Variants in SCNN1B observed in about 807,000 individuals in gnomAD.
The protein encoded by SCNN1B is sodium channel epithelial 1 subunit beta, also known as epithelial sodium channel subunit beta.
A neutral mutation model predicts 65.3 loss-of-function variants in SCNN1B; 46 were observed. The observed-to-expected ratio is 0.70, with a 90% CI of 0.56 to 0.90. The LOEUF (loss-of-function observed/expected upper bound fraction) is 0.90. Ranked by LOEUF, SCNN1B falls within the 40% of genes least tolerant of loss-of-function variation. The probability of loss-of-function intolerance (pLI) is 0.00; values close to 1 mark genes in which losing one functional copy is unlikely to be tolerated. For missense variants in SCNN1B, 751 were observed against 830.5 expected (o/e 0.90, Z 1.18); for synonymous variants, 349 against 330.6 (o/e 1.06, Z -0.60).
At chr16:23,291,734 C>A (rs567967249) in intron 2 of SCNN1B, among the ~76,000 whole-genome samples, 2 of 142,660 alleles carry the variant, frequency 1.4e-5, no homozygotes, top group Non-Finnish European at 3.0e-5. Flanking sequence ...ACCACCACCA[C>A]GCAGCTAATT....
rs776613953 is a variant in SCNN1B, at chr16:23,380,778, G to C, written c.1900G>C (p.Asp634His). 3.0e-5 allele frequency: 48 copies of C among 1,612,372 alleles called. 1 individual carries two copies. Among genetic ancestry groups the C allele is most frequent in the East Asian group, 2.2e-4 (10 of 44,864 alleles). ...GCAGCCGCTGGACGTCATCGAGTCT[G>C]ACAGTGAGGGTGATGCCATCTAACC... The part of the protein sequence containing the change: ...RLQPLDVIES[D>H]SEGDAI Residue 634 changes from aspartate (D) to histidine (H), a missense_variant, in exon 13 of 13, where the codon GAC (aspartate) becomes CAC (histidine). Asp to His is a moderately conservative substitution (Grantham distance 81). Coordinates refer to ENST00000343070, the MANE Select transcript of SCNN1B (RefSeq NM_000336.3). This position sits in a 1 kb window ranked among gnomAD's most constrained non-coding sequence, Gnocchi z 5.4.
intron 1 of SCNN1B, among the ~76,000 whole-genome samples, chr16:23,335,285 G>T (rs1429780065): frequency 6.6e-6 from 1 of 152,060 alleles, no homozygotes; most frequent in Non-Finnish European, 1.5e-5. Flanking sequence ...TTTCTTGAGG[G>T]CAACTCATAT....
At chr16:23,333,322 A>T (rs527435660) in intron 1 of SCNN1B, among the ~76,000 whole-genome samples, 5 of 152,346 alleles carry the variant, frequency 3.3e-5, no homozygotes, top group African/African-American at 1.2e-4. Flanking sequence ...GCTGCCAGCC[A>T]TTGAGGAATT....
chr16:23,361,539 A>ATT (rs1466558952), intron 4 of SCNN1B, among the ~76,000 whole-genome samples: 1 of 152,194 alleles, frequency 6.6e-6, no homozygotes, highest in Non-Finnish European at 1.5e-5. Flanking sequence ...TTATTTATTT[A>ATT]TTCCATCATT....
At chr16:23,375,642 C>T in intron 7 of SCNN1B, 96 bp from the exon 8 acceptor site, 3 of 890,016 alleles carry the variant, frequency 3.4e-6, no homozygotes, top group Non-Finnish European at 5.8e-6. Context: ...CCTCCCTTAA[C>T]TTGGGCATCA....
chr16:23,310,077 C>T (rs1182051793), intron 1 of SCNN1B, among the ~76,000 whole-genome samples: 13 of 152,064 alleles, frequency 8.5e-5, no homozygotes, highest in Admixed American at 8.5e-4. Flanking sequence ...CTTTGAAGCA[C>T]TGATTAAGAG....
intron 1 of SCNN1B, among the ~76,000 whole-genome samples, chr16:23,326,677 AG>A (rs1961703969): frequency 6.6e-6 from 1 of 152,140 alleles, no homozygotes; most frequent in African/African-American, 2.4e-5. Context: ...CATGTTGGCC[AG>A]CCTGGTTTCA....
At position 23,309,441 on chromosome 16, in the gene SCNN1B, C is replaced by T. The variant is rs376483872; in HGVS notation, c.-9+7004C>T. Among the ~76,000 whole-genome samples, 24 of 134,306 alleles carry T rather than the reference C, an allele frequency of 1.8e-4. No individual in the cohort carries two copies. In the East Asian group the frequency reaches 2.5e-3, roughly 14 times the overall value. The allele number at this position is 134,306 out of a possible 152,430, so 88.1% of individuals were successfully genotyped here. A position where few individuals can be genotyped will look rare whatever the true frequency, so the allele number is the denominator to read the frequency against. On this transcript the variant is annotated intron_variant, in intron 1 of 12. Transcript: ENST00000343070. ...ATAGATAGATAGATAGATAGATAGA[C>T]AGATAGATAGCTAAAGAGGAGTTTA...
At chr16:23,289,744 C>T (rs554395054) in intron 2 of SCNN1B, among the ~76,000 whole-genome samples, 14 of 145,864 alleles carry the variant, frequency 9.6e-5, no homozygotes, top group African/African-American at 3.4e-4. Context: ...GGCACGATCT[C>T]GGCTCACTGC....
Position 23,375,829 on chromosome 16 carries a change from G to T in SCNN1B, c.1244G>T (p.Cys415Phe). ...LYPLPRGEKYCNNRDFPDWAH... is the reference protein window; with the variant it reads ...LYPLPRGEKYFNNRDFPDWAH... The stretch of plus-strand genomic sequence containing the variant: ...CCACTGCCCCGTGGGGAGAAATACT[G>T]CAACAACCGGGACTTCCCAGACTGG... The change falls in exon 8 of 13, where the codon TGC becomes TTC. Residue 415 changes from cysteine (C) to phenylalanine (F), a missense_variant. Physicochemically the swap from Cys to Phe is radical, Grantham distance 205 (BLOSUM62 -2). Coordinates refer to ENST00000343070, the MANE Select transcript of SCNN1B (RefSeq NM_000336.3). 1 of 1,613,414 alleles carries T rather than the reference G, an allele frequency of 6.2e-7. No individual in the cohort carries two copies. The highest frequency in any genetic ancestry group is 1.3e-5 in the African/African-American group (1 of 75,062).
intron 1 of SCNN1B, among the ~76,000 whole-genome samples, chr16:23,345,038 GT>G (rs1451092815): frequency 2.6e-5 from 4 of 151,930 alleles, no homozygotes; most frequent in African/African-American, 9.7e-5. Flanking sequence ...AGAGAACAGA[GT>G]TGGAGAAGAA....
intron 1 of SCNN1B, among the ~76,000 whole-genome samples, chr16:23,328,954 C>A (rs537573924): frequency 6.6e-6 from 1 of 151,794 alleles, no homozygotes; most frequent in Admixed American, 6.6e-5. Flanking sequence ...CACCACCATA[C>A]CCAGTTCATT....
rs1228298241 is a variant in SCNN1B, at chr16:23,375,722, C to T, written c.1153-16C>T. The T allele has an allele frequency of 8.3e-6, 13 of 1,574,520 alleles. No homozygotes were observed. Among genetic ancestry groups the T allele is most frequent in the Admixed American group, 5.0e-5 (3 of 59,956 alleles). ...ATGCCTGTGTTCTCTCCTTATGAAC[C>T]CCCTACCCTCCCCAGGCCTGTCTTC... On this transcript the variant is annotated splice_polypyrimidine_tract_variant and intron_variant, in intron 7 of 12. Transcript: ENST00000343070.
rs775021633 is a variant in SCNN1B at position 23,380,328 on chromosome 16, C to T, written c.1543-93C>T. ...GCCAAGATGGTCACCCCCTCCCGTT[C>T]CCACCCAAGAATCACCTCCCAGGAA... On this transcript the variant is annotated intron_variant, in intron 12 of 12. Transcript: ENST00000343070. The surrounding 1 kb of genome is among the most constrained non-coding windows in gnomAD (Gnocchi z 5.4). 9.4e-6 allele frequency: 15 copies of T among 1,595,864 alleles called. No homozygotes were observed. Among genetic ancestry groups the T allele is most frequent in the Non-Finnish European group, 1.3e-5 (15 of 1,165,894 alleles).
chr16:23,332,442 C>T (rs2142002098), intron 1 of SCNN1B, among the ~76,000 whole-genome samples: 1 of 152,226 alleles, frequency 6.6e-6, no homozygotes, highest in South Asian at 2.1e-4. Context: ...GGTAATCCAC[C>T]CACCTCGGCC....
chr16:23,375,272 T>A (rs1962869640), intron 7 of SCNN1B, among the ~76,000 whole-genome samples: 1 of 152,116 alleles, frequency 6.6e-6, no homozygotes, highest in South Asian at 2.1e-4. Context: ...TTCTCCTGGC[T>A]TTCCCTGGGC....
chr16:23,378,071 C>T (rs760105601), intron 10 of SCNN1B, among the ~76,000 whole-genome samples: 52 of 152,212 alleles, frequency 3.4e-4, no homozygotes, highest in African/African-American at 1.1e-3. Context: ...TGCAGTGGTA[C>T]GATCACAGCT....
chr16:23,373,591 C>T (rs553972073), intron 7 of SCNN1B, among the ~76,000 whole-genome samples: 2 of 152,324 alleles, frequency 1.3e-5, no homozygotes, highest in Admixed American at 6.5e-5. Context: ...CTCGCTGATA[C>T]TTCCTCTCCA....
rs954639139 is a variant in SCNN1B, at chr16:23,348,462, A to G, written c.-8-130A>G. ...AAGAAAAGAAGGAAAAAAGGGAGGG[A>G]GGGAGGGGGGAGGGTAAAGAGGGAG... is the stretch of plus-strand genomic sequence containing the variant. On this transcript the variant is annotated intron_variant, in intron 1 of 12. Coordinates refer to ENST00000343070, the MANE Select transcript of SCNN1B (RefSeq NM_000336.3). This position sits in a 1 kb window ranked among gnomAD's most constrained non-coding sequence, Gnocchi z 4.5. 2 of 608,836 alleles carry G rather than the reference A, an allele frequency of 3.3e-6. No homozygotes were observed. Among genetic ancestry groups the G allele is most frequent in the Non-Finnish European group, 5.3e-6 (2 of 380,310 alleles). 37.7% of individuals were successfully genotyped at this position (608,836 alleles called of 1,614,324 possible).
Sources: allele counts gnomAD v4.1 joint callset (sites outside exome capture counted in the v4.1 genomes callset), GRCh38; gene constraint gnomAD v4.1.1; non-coding constraint Gnocchi (gnomAD v3.1); transcripts MANE v1.5; gene names NCBI Gene and HGNC (gene_info 2026-07-23, HGNC 2026-07-21).